NFYC: variants seen among roughly 807,000 people sequenced by gnomAD.
The protein encoded by NFYC is nuclear transcription factor Y subunit gamma.
A neutral mutation model predicts 53.1 loss-of-function variants in NFYC; 25 were observed. The observed-to-expected ratio is 0.47, with a 90% CI of 0.34 to 0.66. NFYC has a LOEUF of 0.66. Ranked by LOEUF, NFYC falls within the 30% of genes least tolerant of loss-of-function variation. NFYC has a pLI of 0.01. For synonymous variants in NFYC, 145 were observed against 152.6 expected (o/e 0.95, Z 0.37); for missense variants, 260 against 422.7 (o/e 0.62, Z 3.38).
chr1:40,728,588 T>C (rs1201671461), intron 1 of NFYC, among the ~76,000 whole-genome samples: 2 of 152,038 alleles, frequency 1.3e-5, no homozygotes, highest in African/African-American at 2.4e-5. Flanking sequence ...AGAGTGAGAC[T>C]GTCACAAAAC....
intron 1 of NFYC, among the ~76,000 whole-genome samples, chr1:40,707,175 A>G (rs1643733430): frequency 6.6e-6 from 1 of 151,616 alleles, no homozygotes; most frequent in South Asian, 2.1e-4. Flanking sequence ...GCCTCAAAAA[A>G]AAAAAAGAAA....
intron 1 of NFYC, among the ~76,000 whole-genome samples, chr1:40,720,446 C>G (rs1381320198): frequency 6.6e-6 from 1 of 152,202 alleles, no homozygotes; most frequent in Non-Finnish European, 1.5e-5. Context: ...TCCAACCCCA[C>G]TCTTGTGGCT....
intron 1 of NFYC, among the ~76,000 whole-genome samples, chr1:40,734,389 G>C (rs748898076): frequency 1.3e-5 from 2 of 150,916 alleles, no homozygotes; most frequent in Non-Finnish European, 2.9e-5. Context: ...TTGAGATGGA[G>C]TCTTGCTCTG....
Position 40,747,587 on chromosome 1 carries a change from A to G in NFYC, c.159A>G (p.Lys53=). 1 of 1,612,468 alleles carries G rather than the reference A, an allele frequency of 6.2e-7. No individual in the cohort carries two copies. ...TGGCTCGTATTAAGAAGATTATGAA[A>G]CTGGATGAAGATGTGAAGGTGAATT... ...LPLARIKKIM[K]LDEDVKMISA... is the part of the protein sequence containing the mutation. Residue 53 remains lysine, a synonymous_variant, in exon 3 of 10, where the codon AAA becomes AAG. Transcript: ENST00000447388.
chr1:40,704,381 G>C (rs1643593858), intron 1 of NFYC, among the ~76,000 whole-genome samples: 1 of 152,118 alleles, frequency 6.6e-6, no homozygotes, highest in Non-Finnish European at 1.5e-5. Context: ...TGATTTGAGT[G>C]TTTTTTAGGG....
intron 1 of NFYC, among the ~76,000 whole-genome samples, chr1:40,698,513 G>C (rs1462111499): frequency 6.6e-6 from 1 of 151,536 alleles, no homozygotes; most frequent in Non-Finnish European, 1.5e-5. Flanking sequence ...TGCAACCTCT[G>C]CCTTTTGGGT....
intron 1 of NFYC, among the ~76,000 whole-genome samples, chr1:40,702,165 T>G (rs1643468129): frequency 6.6e-6 from 1 of 152,150 alleles, no homozygotes; most frequent in African/African-American, 2.4e-5. Flanking sequence ...ATAACTTATT[T>G]TCAAAAAACA....
intron 1 of NFYC, among the ~76,000 whole-genome samples, chr1:40,717,191 T>G (rs1176226259): frequency 2.0e-5 from 3 of 152,216 alleles, no homozygotes; most frequent in Non-Finnish European, 4.4e-5. Context: ...AGACTAGTGC[T>G]ACATGTCAAA....
rs767034732 is a variant in NFYC, at chr1:40,770,701, C to T, written c.889-8C>T. 1.5e-5 allele frequency: 24 copies of T among 1,614,052 alleles called. No homozygotes were observed. The highest frequency in any genetic ancestry group is 1.9e-5 in the Non-Finnish European group (22 of 1,180,038). On this transcript the variant is annotated splice_region_variant and splice_polypyrimidine_tract_variant and intron_variant, in intron 9 of 9. Transcript: ENST00000447388. This position sits in a 1 kb window ranked among gnomAD's most constrained non-coding sequence, Gnocchi z 5.3. ...ATGACCTCACTCTCTCCTCTCCACC[C>T]CTCGCAGCAGCTCTACCAGATCCAG...
chr1:40,727,254 T>TA (rs1349046349), intron 1 of NFYC, among the ~76,000 whole-genome samples: 1 of 152,134 alleles, frequency 6.6e-6, no homozygotes, highest in Non-Finnish European at 1.5e-5. Context: ...GACAGGGTCT[T>TA]ACTCTGTTGC....
At chr1:40,701,029 A>G (rs906865994) in intron 1 of NFYC, among the ~76,000 whole-genome samples, 1 of 152,224 alleles carries the variant, frequency 6.6e-6, no homozygotes, top group Non-Finnish European at 1.5e-5. Flanking sequence ...TCCAATGTTT[A>G]AGACGCATTA....
intron 5 of NFYC, among the ~76,000 whole-genome samples, chr1:40,757,698 C>G (rs1350572651): frequency 2.6e-5 from 4 of 152,168 alleles, no homozygotes; most frequent in Non-Finnish European, 1.5e-5. Flanking sequence ...AGAGTGCTGC[C>G]TATTTGGGAG....
At chr1:40,749,432 AT>A in intron 3 of NFYC, 140 bp from the exon 4 acceptor site, 1 of 652,906 alleles carries the variant, frequency 1.5e-6, no homozygotes. Flanking sequence ...TCATGGATTT[AT>A]TTTACCTTGG....
chr1:40,763,022 C>T lies in NFYC; in HGVS notation c.696C>T (p.Asn232=), dbSNP rs1306631105. The change falls in exon 7 of 10, where the codon AAC becomes AAT. Residue 232 remains asparagine, a synonymous_variant. Coordinates refer to ENST00000447388, the MANE Select transcript of NFYC (RefSeq NM_014223.5). ...TMQVMQQIIT[N]TGEIQQIPVQ... ...AGGTGATGCAGCAGATCATCACTAA[C>T]ACAGGAGAGATCCAGCAGATCCCGG... 2.5e-6 allele frequency: 4 copies of T among 1,606,146 alleles called. No individual in the cohort carries two copies. Among genetic ancestry groups the T allele is most frequent in the Non-Finnish European group, 3.4e-6 (4 of 1,175,402 alleles).
At chr1:40,728,899 A>G (rs1379960133) in intron 1 of NFYC, among the ~76,000 whole-genome samples, 1 of 152,124 alleles carries the variant, frequency 6.6e-6, no homozygotes, top group Admixed American at 6.5e-5. Flanking sequence ...TGGCCTCCCA[A>G]AGTGTTGGGA....
At chr1:40,701,050 A>G (rs148407466) in intron 1 of NFYC, among the ~76,000 whole-genome samples, 1 of 152,202 alleles carries the variant, frequency 6.6e-6, no homozygotes. Flanking sequence ...GTTCCTTATC[A>G]TTGTCCTTAG....
intron 3 of NFYC, among the ~76,000 whole-genome samples, chr1:40,748,602 T>G (rs1056223033): frequency 6.6e-6 from 1 of 152,226 alleles, no homozygotes; most frequent in Non-Finnish European, 1.5e-5. Context: ...GAGTTTCTTT[T>G]ACATGAATAA....
At chr1:40,736,715 G>A (rs1335690489) in intron 1 of NFYC, among the ~76,000 whole-genome samples, 1 of 146,684 alleles carries the variant, frequency 6.8e-6, no homozygotes, top group East Asian at 2.0e-4. Flanking sequence ...TCTGAAATCC[G>A]AAACTTTTTG....
At chr1:40,758,330 C>T (rs1454293548) in intron 6 of NFYC, 36 bp downstream of exon 6, 1 of 1,573,354 alleles carries the variant, frequency 6.4e-7, no homozygotes, top group South Asian at 1.2e-5. Context: ...TCCAGCAAGA[C>T]AGTGCCCCTT....
Sources: gnomAD v4.1 joint callset for allele counts (sites outside exome capture counted in the v4.1 genomes callset) on GRCh38, gnomAD v4.1.1 for gene constraint, Gnocchi (gnomAD v3.1) non-coding constraint, MANE v1.5 for transcripts, NCBI Gene and HGNC (gene_info 2026-07-23, HGNC 2026-07-21) for gene names.